Variants in HEPH observed in about 807,000 individuals in gnomAD.
HEPH encodes hephaestin.
A neutral mutation model predicts 80.8 loss-of-function variants in HEPH; 69 were observed. That is an observed-to-expected ratio of 0.85 (90% confidence interval 0.70 to 1.04). HEPH has a LOEUF of 1.04. HEPH is among the 50% of genes least tolerant of loss of function. HEPH has a pLI of 0.00. For missense variants in HEPH, 1,115 were observed against 891.3 expected, an observed-to-expected ratio of 1.25 and a Z score of -3.20; for synonymous variants, 431 against 322.8, an observed-to-expected ratio of 1.34 and a Z score of -3.60.
At position 66,200,608 on chromosome X, in the gene HEPH, C is replaced by A. The variant is rs200702197; in HGVS notation, c.1933C>A (p.His645Asn). 81 of 1,208,353 alleles carry A rather than the reference C, an allele frequency of 6.7e-5. No homozygotes were observed. The highest frequency in any genetic ancestry group is 8.8e-5 in the Non-Finnish European group (79 of 894,378). ...GTGCAAGGGTGACACAGTGGCCTGG[C>A]ACCTGCTCGGCCTGGGCACAGAGAC... The part of the protein sequence containing the change: ...DMCKGDTVAW[H>N]LLGLGTETDV... Residue 645 changes from histidine to asparagine, a missense_variant, in exon 12 of 21, where the codon CAC (histidine) becomes AAC (asparagine). Coordinates refer to ENST00000343002, the MANE Select transcript of HEPH (RefSeq NM_001367233.3).
At position 66,260,236 on chromosome X, in the gene HEPH, C is replaced by A; in HGVS notation, c.3173C>A (p.Thr1058Asn). The A allele has an allele frequency of 1.7e-6, 2 of 1,207,177 alleles. No homozygotes were observed. The highest frequency in any genetic ancestry group is 1.7e-5 in the African/African-American group (1 of 57,459). Reference sequence around the variant, plus strand: ...GACCATGTCCATGCTGGCATGGAGACCCTCTTCACTGTTTTTTCTCGAACA... The same window carrying A: ...GACCATGTCCATGCTGGCATGGAGAACCTCTTCACTGTTTTTTCTCGAACA... Reference protein sequence around the residue: ...VTDHVHAGMETLFTVFSRTEH... With the variant: ...VTDHVHAGMENLFTVFSRTEH... The change falls in exon 19 of 21, where the codon ACC (threonine) becomes AAC (asparagine). Residue 1058 changes from threonine (T) to asparagine (N), a missense_variant. Thr to Asn is a moderately conservative substitution (Grantham distance 65). Coordinates refer to ENST00000343002, the MANE Select transcript of HEPH (RefSeq NM_001367233.3).
At chrX:66,260,354 C>T in intron 19 of HEPH, 92 bp downstream of exon 19, 1 of 703,760 alleles carries the variant, frequency 1.4e-6, no homozygotes, top group Non-Finnish European at 2.1e-6. Context: ...TGATTGTCTC[C>T]TTCTGATCCC....
chrX:66,265,352 G>A (rs1174372488), intron 20 of HEPH, among the ~76,000 whole-genome samples: 1 of 110,768 alleles, frequency 9.0e-6, no homozygotes, highest in African/African-American at 3.3e-5. Flanking sequence ...TACAAAAAGG[G>A]CAAGCAATAA....
At chrX:66,266,333 C>T in intron 20 of HEPH, 107 bp from the exon 21 acceptor site, 1 of 546,154 alleles carries the variant, frequency 1.8e-6, no homozygotes, top group Non-Finnish European at 3.0e-6. Flanking sequence ...GGACAGGCCT[C>T]CTGTCCTATT....
chrX:66,225,905 G>A (rs932924483), intron 15 of HEPH, among the ~76,000 whole-genome samples: 3 of 112,173 alleles, frequency 2.7e-5, no homozygotes, highest in Non-Finnish European at 5.6e-5. Context: ...GGTTTTATTC[G>A]GCCGGGAGCT....
In HEPH at chrX:66,263,634, C is replaced by A; in HGVS notation, c.3200-10C>A. On this transcript the variant is annotated splice_polypyrimidine_tract_variant and intron_variant, in intron 19 of 20. Transcript: ENST00000343002. ...AAGGCTAACCTCTTGTCTTTTTTCC[C>A]CCCAACCAGAACACTTAAGCCCTCT... is the stretch of plus-strand genomic sequence containing the variant. 1 of 1,209,302 alleles carries A rather than the reference C, an allele frequency of 8.3e-7. No individual in the cohort carries two copies. The highest frequency in any genetic ancestry group is 1.1e-6 in the Non-Finnish European group (1 of 893,943).
At chrX:66,166,074 G>A (rs1195898301) in intron 1 of HEPH, among the ~76,000 whole-genome samples, 2 of 111,885 alleles carry the variant, frequency 1.8e-5, no homozygotes, top group South Asian at 3.7e-4. Context: ...CAGGAAGTTA[G>A]GGACTTGTTC....
intron 15 of HEPH, among the ~76,000 whole-genome samples, chrX:66,228,259 C>T (rs1347722850): frequency 8.9e-6 from 1 of 112,310 alleles, no homozygotes; most frequent in Non-Finnish European, 1.9e-5. Context: ...GAAAGCACGC[C>T]CATGATTCAA....
At chrX:66,221,412 G>A (rs1355238901) in intron 15 of HEPH, among the ~76,000 whole-genome samples, 1 of 112,871 alleles carries the variant, frequency 8.9e-6, no homozygotes, top group African/African-American at 3.2e-5. Flanking sequence ...TCTAGCATTT[G>A]TTAACCAATA....
intron 15 of HEPH, among the ~76,000 whole-genome samples, chrX:66,218,906 C>T (rs1003640153): frequency 4.5e-5 from 5 of 111,813 alleles, no homozygotes; most frequent in African/African-American, 1.6e-4. Context: ...GGTGTGGCAC[C>T]GGGCTGTCTG....
chrX:66,172,500 G>C lies in HEPH; in HGVS notation c.313G>C (p.Ala105Pro). 8.3e-7 allele frequency: 1 copy of C among 1,210,529 alleles called. No individual in the cohort carries two copies. The highest frequency in any genetic ancestry group is 1.1e-6 in the Non-Finnish European group (1 of 894,959). ...GGGCTTCCTGGGGCCAGTGTTGCAG[G>C]CTGAAGTGGGGGATGTCATTCTTAT... is the stretch of plus-strand genomic sequence containing the variant. ...WLGFLGPVLQ[A>P]EVGDVILIHL... Residue 105 changes from alanine to proline, a missense_variant, in exon 3 of 21, where the codon GCT becomes CCT. Physicochemically the swap from Ala to Pro is conservative, Grantham distance 27. Coordinates refer to ENST00000343002, the MANE Select transcript of HEPH (RefSeq NM_001367233.3).
intron 5 of HEPH, among the ~76,000 whole-genome samples, chrX:66,189,307 T>C (rs2147692218): frequency 8.9e-6 from 1 of 112,509 alleles, no homozygotes; most frequent in South Asian, 3.7e-4. Context: ...TTGACAATTG[T>C]CCTGTGGAAA....
rs1178143882 is a variant in HEPH at position 66,208,217 on chromosome X, C to A, written c.2534C>A (p.Thr845Asn). The change falls in exon 15 of 21, where the codon ACT (threonine) becomes AAT (asparagine). Residue 845 changes from threonine (T) to asparagine (N), a missense_variant. Thr to Asn is a moderately conservative substitution (Grantham distance 65). Transcript: ENST00000343002. ...SVHAHGVLES[T>N]TVWPLAAEPG... ...CATGCTCATGGAGTGCTAGAATCTACTACTGTCTGGCCACTGGCTGCTGAG... is the reference window on the plus strand; with the variant it reads ...CATGCTCATGGAGTGCTAGAATCTAATACTGTCTGGCCACTGGCTGCTGAG... 3 of 1,209,046 alleles carry A rather than the reference C, an allele frequency of 2.5e-6. No individual in the cohort carries two copies. The highest frequency in any genetic ancestry group is 3.5e-5 in the South Asian group (2 of 56,423).
At chrX:66,229,771 T>G (rs1186859255) in intron 15 of HEPH, among the ~76,000 whole-genome samples, 1 of 111,630 alleles carries the variant, frequency 9.0e-6, no homozygotes, top group African/African-American at 3.3e-5. Flanking sequence ...ATTTACTCTT[T>G]TTTTTTGTTT....
At chrX:66,265,890 A>G (rs2091522183) in intron 20 of HEPH, among the ~76,000 whole-genome samples, 3 of 111,878 alleles carry the variant, frequency 2.7e-5, no homozygotes, top group Non-Finnish European at 5.6e-5. Context: ...GGAATCATCA[A>G]AAGTGTGTAT....
chrX:66,238,815 G>A (rs960986769), intron 15 of HEPH, among the ~76,000 whole-genome samples: 1 of 112,223 alleles, frequency 8.9e-6, no homozygotes, highest in African/African-American at 3.2e-5. Flanking sequence ...TTAACAACAA[G>A]CCAGTCATTA....
intron 11 of HEPH, 145 bp from the exon 12 acceptor site, chrX:66,200,395 T>C (rs2088369172): frequency 4.3e-6 from 2 of 465,263 alleles, no homozygotes. Context: ...TAAAGTGGCA[T>C]AGAGAGGAAG....
In HEPH at chrX:66,164,411, T is replaced by C. The variant is rs891388602; in HGVS notation, c.-73T>C. On this transcript the variant is annotated 5_prime_UTR_variant, in exon 1 of 21. Coordinates refer to ENST00000343002, the MANE Select transcript of HEPH (RefSeq NM_001367233.3). ...CATGGCTGGCGGACTCAGGCTGGGG[T>C]CTGCAGTGCAGCATTAATGGGCCGC... 2 of 752,793 alleles carry C rather than the reference T, an allele frequency of 2.7e-6. No homozygotes were observed. Among genetic ancestry groups the C allele is most frequent in the East Asian group, 1.5e-4 (1 of 6,655 alleles). The allele number at this position is 752,793 out of a possible 1,213,427, so 62.0% of individuals were successfully genotyped here.
chrX:66,188,702 C>T (rs1237542726), intron 5 of HEPH, among the ~76,000 whole-genome samples, 161 bp downstream of exon 5: 1 of 112,230 alleles, frequency 8.9e-6, no homozygotes, highest in Non-Finnish European at 1.9e-5. Flanking sequence ...TGTGAGGACA[C>T]TGAGGCTCCT....
Sources: gnomAD v4.1 joint callset for allele counts (sites outside exome capture counted in the v4.1 genomes callset) on GRCh38, gnomAD v4.1.1 for gene constraint, MANE v1.5 for transcripts, NCBI Gene and HGNC (gene_info 2026-07-23, HGNC 2026-07-21) for gene names.